Variants in MIPOL1 observed in about 807,000 individuals in gnomAD.
MIPOL1 encodes mirror-image polydactyly 1, also known as mirror-image polydactyly gene 1 protein.
A neutral mutation model predicts 60.9 loss-of-function variants in MIPOL1; 57 were observed. That is an observed-to-expected ratio of 0.94 (90% CI 0.76 to 1.17). The LOEUF (loss-of-function observed/expected upper bound fraction) is 1.17. MIPOL1 is among the 50% of genes most tolerant of loss of function. The pLI is 0.00. For missense variants in MIPOL1, 551 were observed against 511.6 expected (o/e 1.08, Z -0.74); for synonymous variants, 179 against 168.8 (o/e 1.06, Z -0.47).
intron 12 of MIPOL1, among the ~76,000 whole-genome samples, chr14:37,527,267 G>A (rs1243712855): frequency 6.6e-6 from 1 of 151,786 alleles, no homozygotes; most frequent in African/African-American, 2.4e-5. Context: ...TGTCAGAATT[G>A]TGTTAAATTG....
intron 11 of MIPOL1, among the ~76,000 whole-genome samples, chr14:37,465,228 G>T (rs1783222145): frequency 6.6e-6 from 1 of 152,158 alleles, no homozygotes; most frequent in Admixed American, 6.5e-5. Flanking sequence ...ACTCCTTGAA[G>T]TTGGAACATG....
chr14:37,487,501 G>A (rs2094967981), intron 11 of MIPOL1, among the ~76,000 whole-genome samples: 1 of 152,096 alleles, frequency 6.6e-6, no homozygotes, highest in South Asian at 2.1e-4. Flanking sequence ...ATTAATTACT[G>A]ACTCAATTTC....
chr14:37,200,877 TGTGTGTGTGTGTGTGTGTG>T (rs1965174615), intron 1 of MIPOL1, among the ~76,000 whole-genome samples: 1 of 111,612 alleles, frequency 9.0e-6, no homozygotes, highest in African/African-American at 4.6e-5. Flanking sequence ...TGTGTGTGTG[TGTGTGTGTGTGTGTGTGTG>T]TGTATTTTTT....
At chr14:37,368,193 A>G (rs1447309656) in intron 9 of MIPOL1, among the ~76,000 whole-genome samples, 1 of 152,066 alleles carries the variant, frequency 6.6e-6, no homozygotes. Flanking sequence ...ATGCCTTGAT[A>G]TTATGGTTAT....
At chr14:37,532,750 A>G (rs796927508) in intron 12 of MIPOL1, among the ~76,000 whole-genome samples, 10 of 152,314 alleles carry the variant, frequency 6.6e-5, no homozygotes, top group African/African-American at 2.4e-4. Context: ...GAACTTTGGT[A>G]GAAATACCTA....
At chr14:37,321,577 C>T (rs1369572175) in intron 9 of MIPOL1, among the ~76,000 whole-genome samples, 1 of 151,796 alleles carries the variant, frequency 6.6e-6, no homozygotes, top group Non-Finnish European at 1.5e-5. Flanking sequence ...AGTATTGTCT[C>T]CGTATGTTAT....
chr14:37,249,154 T>C (rs1454146352), intron 3 of MIPOL1, among the ~76,000 whole-genome samples: 1 of 152,170 alleles, frequency 6.6e-6, no homozygotes, highest in African/African-American at 2.4e-5. Flanking sequence ...AATGTGATAT[T>C]ACATATATTT....
At chr14:37,255,152 A>G (rs761763556) in intron 3 of MIPOL1, among the ~76,000 whole-genome samples, 26 of 151,840 alleles carry the variant, frequency 1.7e-4, no homozygotes, top group Non-Finnish European at 3.4e-4. Context: ...TATTTACAAC[A>G]TGCAGCTTAA....
chr14:37,489,292 G>C (rs905387818), intron 11 of MIPOL1, among the ~76,000 whole-genome samples: 12 of 152,028 alleles, frequency 7.9e-5, no homozygotes, highest in African/African-American at 2.9e-4. Context: ...GTGTTTTTCA[G>C]CTTCATCAGG....
chr14:37,340,535 C>G (rs565885816), intron 9 of MIPOL1, among the ~76,000 whole-genome samples: 2 of 151,978 alleles, frequency 1.3e-5, no homozygotes, highest in Admixed American at 6.6e-5. Context: ...CATAGTGAGA[C>G]CCCTTCTCTA....
chr14:37,501,653 T>C (rs2095217166), intron 12 of MIPOL1: 1 of 152,140 alleles, frequency 6.6e-6, no homozygotes, highest in Non-Finnish European at 1.5e-5. Flanking sequence ...TAGGAACAGC[T>C]CTAGTCTGCA....
At chr14:37,370,208 A>G (rs1437622318) in intron 10 of MIPOL1, among the ~76,000 whole-genome samples, 1 of 152,202 alleles carries the variant, frequency 6.6e-6, no homozygotes, top group African/African-American at 2.4e-5. Context: ...TGTATTATAG[A>G]TCGAGTAATT....
chr14:37,328,830 G>A (rs952961313), intron 9 of MIPOL1, among the ~76,000 whole-genome samples: 2 of 152,190 alleles, frequency 1.3e-5, no homozygotes, highest in African/African-American at 2.4e-5. Context: ...TGAAGTAACA[G>A]TGTGTGAGAG....
At chr14:37,203,809 G>A (rs1326786496) in intron 1 of MIPOL1, among the ~76,000 whole-genome samples, 1 of 151,984 alleles carries the variant, frequency 6.6e-6, no homozygotes, top group African/African-American at 2.4e-5. Context: ...TTGAGATGAA[G>A]TCTCACTCTG....
intron 3 of MIPOL1, among the ~76,000 whole-genome samples, chr14:37,248,878 A>G (rs928757965): frequency 6.6e-6 from 1 of 152,140 alleles, no homozygotes; most frequent in Non-Finnish European, 1.5e-5. Context: ...GTGGAGGAAC[A>G]CAGCCTGAGA....
intron 3 of MIPOL1, among the ~76,000 whole-genome samples, chr14:37,250,639 C>T (rs1189615250): frequency 6.6e-6 from 1 of 152,142 alleles, no homozygotes; most frequent in African/African-American, 2.4e-5. Flanking sequence ...TAAAATCTCA[C>T]ATCGTCATCT....
intron 1 of MIPOL1, among the ~76,000 whole-genome samples, chr14:37,224,194 T>C (rs1392944498): frequency 6.6e-6 from 1 of 152,190 alleles, no homozygotes; most frequent in African/African-American, 2.4e-5. Flanking sequence ...GAAAGTGTTT[T>C]ACCAGGCAGG....
Position 37,253,042 on chromosome 14 carries a change from T to C in MIPOL1, c.19+5135T>C, listed in dbSNP as rs113025632. Among the ~76,000 whole-genome samples the C allele has an allele frequency of 8.0e-4, 121 of 151,942 alleles. No homozygotes were observed. The Middle Eastern group carries it at 0.01, about 13-fold the overall frequency. On this transcript the variant is annotated intron_variant, in intron 3 of 12. Coordinates refer to ENST00000684589, the MANE Select transcript of MIPOL1 (RefSeq NM_001388067.1). Reference sequence around the variant, plus strand: ...GTTTTGAAAATGTCTAGATAACTAATCATTCTGTATTAAATTACAGGACTT... The same window carrying C: ...GTTTTGAAAATGTCTAGATAACTAACCATTCTGTATTAAATTACAGGACTT...
intron 12 of MIPOL1, among the ~76,000 whole-genome samples, chr14:37,530,029 G>A (rs1566781612): frequency 6.6e-6 from 1 of 152,170 alleles, no homozygotes; most frequent in Non-Finnish European, 1.5e-5. Context: ...AATCAGGTTG[G>A]TGTTAGAGGT....
Sources: allele counts gnomAD v4.1 joint callset (sites outside exome capture counted in the v4.1 genomes callset), GRCh38; gene constraint gnomAD v4.1.1; transcripts MANE v1.5; gene names NCBI Gene and HGNC (gene_info 2026-07-23, HGNC 2026-07-21).